UBA2: variants seen among roughly 807,000 people sequenced by gnomAD.
UBA2 encodes the protein SUMO-activating enzyme subunit 2.
In UBA2, 11 loss-of-function variants were observed where a neutral mutation model predicts 77.2. The ratio of observed to expected loss-of-function variants is 0.14; its 90% CI spans 0.09 to 0.24. UBA2 has a LOEUF of 0.24. UBA2 is among the 10% of genes least tolerant of loss of function. UBA2 has a pLI of 1.00. For missense variants in UBA2, 487 were observed against 781.7 expected (o/e 0.62, Z 4.50); for synonymous variants, 278 against 276.7 (o/e 1.00, Z -0.05).
At chr19:34,429,186 C>T (rs1005995505) in intron 1 of UBA2, 2 of 985,360 alleles carry the variant, frequency 2.0e-6, no homozygotes, top group South Asian at 4.7e-5. Context: ...GCAGGGCTCC[C>T]GCAGGCTGCG....
chr19:34,428,557 C>A lies in UBA2; in HGVS notation c.125C>A (p.Ser42Tyr), dbSNP rs774051623. ...AAGAATCTCGTGCTCACCGGTTTCT[C>A]CCACATCGACCTGGTGAGGGCCGGG... Reference protein sequence around the residue: ...LLKNLVLTGFSHIDLIDLDTI... With the variant: ...LLKNLVLTGFYHIDLIDLDTI... Residue 42 changes from serine to tyrosine, a missense_variant, in exon 1 of 17, where the codon TCC becomes TAC. Physicochemically the swap from Ser to Tyr is moderately radical, Grantham distance 144. Transcript: ENST00000246548. The A allele has an allele frequency of 7.6e-7, 1 of 1,307,942 alleles. No individual in the cohort carries two copies. Among genetic ancestry groups the A allele is most frequent in the Non-Finnish European group, 9.8e-7 (1 of 1,019,864 alleles). 81.0% of individuals were successfully genotyped at this position (1,307,942 alleles called of 1,614,324 possible). A position where few individuals can be genotyped will look rare whatever the true frequency, so the allele number is the denominator to read the frequency against.
chr19:34,451,483 A>T (rs1330856078), intron 9 of UBA2, among the ~76,000 whole-genome samples: 1 of 150,346 alleles, frequency 6.7e-6, no homozygotes, highest in African/African-American at 2.5e-5. Flanking sequence ...ATCTCCCAGT[A>T]ATCCTATGAG....
intron 9 of UBA2, among the ~76,000 whole-genome samples, chr19:34,451,551 T>G (rs1032243023): frequency 9.1e-5 from 12 of 132,280 alleles, no homozygotes; most frequent in African/African-American, 2.8e-4. Flanking sequence ...TTTTTTTTTT[T>G]TTTTTTTTTT....
chr19:34,431,244 C>CTT (rs1184297228), intron 2 of UBA2, among the ~76,000 whole-genome samples: 3,215 of 69,316 alleles, frequency 0.046, 414 homozygotes, highest in Admixed American at 0.083. Flanking sequence ...ATTTTCTTTT[C>CTT]TTTTTTTTTT....
chr19:34,451,059 A>G (rs913625606), intron 9 of UBA2, among the ~76,000 whole-genome samples: 6 of 152,048 alleles, frequency 3.9e-5, no homozygotes, highest in Admixed American at 2.6e-4. Context: ...GTGGCTGTTC[A>G]CAGGCTGTCA....
At chr19:34,457,323 C>T (rs189579403) in intron 12 of UBA2, among the ~76,000 whole-genome samples, 3 of 150,534 alleles carry the variant, frequency 2.0e-5, no homozygotes, top group East Asian at 2.0e-4. Context: ...GCCGAGATCG[C>T]GCCATTGCAC....
intron 15 of UBA2, among the ~76,000 whole-genome samples, chr19:34,464,557 TAAAAAA>T (rs11284248): frequency 7.1e-6 from 1 of 141,394 alleles, no homozygotes; most frequent in African/African-American, 2.7e-5. Flanking sequence ...GACTCCAACT[TAAAAAA>T]AAAAAAAAGA....
intron 10 of UBA2, among the ~76,000 whole-genome samples, chr19:34,452,593 T>G (rs2075513616): frequency 6.6e-6 from 1 of 152,230 alleles, no homozygotes; most frequent in South Asian, 2.1e-4. Flanking sequence ...AAATGAGATG[T>G]AATTATTCTT....
chr19:34,438,582 T>G (rs994223679), intron 5 of UBA2, 63 bp from the exon 6 acceptor site: 3 of 1,587,498 alleles, frequency 1.9e-6, no homozygotes, highest in Non-Finnish European at 2.6e-6. Flanking sequence ...GTGTTTATAT[T>G]ACCTTATAAT....
At chr19:34,429,173 G>A in intron 1 of UBA2, 1 of 985,412 alleles carries the variant, frequency 1.0e-6, no homozygotes, top group Non-Finnish European at 1.2e-6. Flanking sequence ...CACGGAGCGA[G>A]TGGCAGGGCT....
intron 9 of UBA2, among the ~76,000 whole-genome samples, chr19:34,451,550 T>G (rs1183384230): frequency 1.5e-5 from 2 of 131,708 alleles, no homozygotes; most frequent in African/African-American, 5.7e-5. Flanking sequence ...TTTTTTTTTT[T>G]TTTTTTTTTT....
rs560768311 is a variant in UBA2 at position 34,436,959 on chromosome 19, G to T, written c.460-1686G>T. 2.6e-5 allele frequency among the ~76,000 whole-genome samples: 4 copies of T among 152,300 alleles called. No individual in the cohort carries two copies. In the East Asian group the frequency reaches 7.7e-4, roughly 29 times the overall value. On this transcript the variant is annotated intron_variant, in intron 5 of 16. Coordinates refer to ENST00000246548, the MANE Select transcript of UBA2 (RefSeq NM_005499.3). ...AGATCAAGACGGAAGTTCTCTGTCTGCATTGCAGTATGAGTCTCATGACTG... is the reference window on the plus strand; with the variant it reads ...AGATCAAGACGGAAGTTCTCTGTCTTCATTGCAGTATGAGTCTCATGACTG...
intron 12 of UBA2, among the ~76,000 whole-genome samples, chr19:34,458,135 A>G (rs2075588306): frequency 6.6e-6 from 1 of 152,210 alleles, no homozygotes; most frequent in South Asian, 2.1e-4. Context: ...CAATGATGGC[A>G]CCACAGATTA....
chr19:34,447,251 G>A (rs1412996011), intron 8 of UBA2, among the ~76,000 whole-genome samples: 1 of 152,136 alleles, frequency 6.6e-6, no homozygotes, highest in East Asian at 1.9e-4. Context: ...CTCAATGGCA[G>A]CTGATTAGAT....
chr19:34,454,508 A>G lies in UBA2; in HGVS notation c.1197A>G (p.Val399=). ...TTNAVIAGLI[V]LEGLKILSGK... ...ATGCAGTAATTGCTGGGTTGATAGT[A>G]TTGGAAGGATTGAAGATTTTATCAG... The change falls in exon 12 of 17, where the codon GTA becomes GTG. Residue 399 remains valine (V), a synonymous_variant. Transcript: ENST00000246548. 2 of 1,610,606 alleles carry G rather than the reference A, an allele frequency of 1.2e-6. No individual in the cohort carries two copies. The highest frequency in any genetic ancestry group is 1.7e-6 in the Non-Finnish European group (2 of 1,178,562).
At chr19:34,446,836 C>T (rs1348235926) in intron 8 of UBA2, among the ~76,000 whole-genome samples, 2 of 151,950 alleles carry the variant, frequency 1.3e-5, no homozygotes, top group Non-Finnish European at 2.9e-5. Context: ...CGAACTCCTA[C>T]CTCAGGTGAT....
At chr19:34,438,236 A>C (rs914895678) in intron 5 of UBA2, among the ~76,000 whole-genome samples, 8 of 143,694 alleles carry the variant, frequency 5.6e-5, no homozygotes, top group African/African-American at 1.5e-4. Context: ...AAAAAAAAAA[A>C]CACATATAAG....
At chr19:34,463,616 T>TA (rs1258960041) in intron 14 of UBA2, among the ~76,000 whole-genome samples, 4 of 152,022 alleles carry the variant, frequency 2.6e-5, no homozygotes, top group African/African-American at 9.7e-5. Flanking sequence ...GACAGAGTCC[T>TA]AAAAATTTTT....
intron 9 of UBA2, among the ~76,000 whole-genome samples, chr19:34,451,536 GTTTTTTTTTTT>G (rs773178552): frequency 4.7e-3 from 295 of 62,960 alleles, no homozygotes; most frequent in East Asian, 0.012. Context: ...AGGTTTAACA[GTTTTTTTTTTT>G]TTTTTTTTTT....
Sources: allele counts gnomAD v4.1 joint callset (sites outside exome capture counted in the v4.1 genomes callset), GRCh38; gene constraint gnomAD v4.1.1; transcripts MANE v1.5; gene names NCBI Gene and HGNC (gene_info 2026-07-23, HGNC 2026-07-21).